Variants in ANK2 observed in about 807,000 individuals in gnomAD.
The protein encoded by ANK2 is ankyrin-2.
A neutral mutation model predicts 360.5 loss-of-function variants in ANK2; 83 were observed. The observed-to-expected ratio is 0.23, with a 90% confidence interval of 0.19 to 0.28. The LOEUF is 0.28. Among genes scored for constraint, ANK2 ranks in the 10% least tolerant of loss-of-function variants. The pLI is 1.00. For synonymous variants in ANK2, 1,740 were observed against 1,759.5 expected, an observed-to-expected ratio of 0.99 and a Z score of 0.28; for missense variants, 4,201 against 4,795.7, an observed-to-expected ratio of 0.88 and a Z score of 3.66.
At chr4:112,927,222 G>A (rs1459883859) in intron 2 of ANK2, among the ~76,000 whole-genome samples, 3 of 152,138 alleles carry the variant, frequency 2.0e-5, no homozygotes, top group Non-Finnish European at 2.9e-5. Context: ...ACATATATCA[G>A]ATTCACCTTT....
chr4:112,938,281 G>A (rs925238465), intron 2 of ANK2, among the ~76,000 whole-genome samples: 48 of 152,128 alleles, frequency 3.2e-4, no homozygotes, highest in African/African-American at 1.1e-3. Flanking sequence ...CTCATCTTAA[G>A]TGGATTAAAG....
chr4:113,354,701 G>C lies in ANK2; in HGVS notation c.6083G>C (p.Arg2028Pro). The change falls in exon 38 of 46, where the codon CGG (arginine) becomes CCG (proline). Residue 2028 changes from arginine (R) to proline (P), a missense_variant. Coordinates refer to ENST00000357077, the MANE Select transcript of ANK2 (RefSeq NM_001148.6). ...CAGCCACAAGAGAAAGGTAAAGTTC[G>C]GGTAGAAAAAGAAAAGGGGCCGATA... ...QKQPQEKGKV[R>P]VEKEKGPILT... 6.2e-7 allele frequency: 1 copy of C among 1,613,906 alleles called. No individual in the cohort carries two copies.
chr4:113,121,863 C>CA (rs1352565998), intron 1 of ANK2, among the ~76,000 whole-genome samples: 1 of 151,596 alleles, frequency 6.6e-6, no homozygotes, highest in Non-Finnish European at 1.5e-5. Flanking sequence ...GGGAAATCTC[C>CA]CCCCCCACCA....
chr4:113,180,291 TGA>T (rs1174117638), intron 2 of ANK2, among the ~76,000 whole-genome samples: 5 of 152,356 alleles, frequency 3.3e-5, no homozygotes, highest in African/African-American at 1.2e-4. Context: ...TCTGCAGGCC[TGA>T]GTTTTCTCAA....
At chr4:112,973,909 C>T (rs536773505) in intron 2 of ANK2, among the ~76,000 whole-genome samples, 6 of 152,134 alleles carry the variant, frequency 3.9e-5, no homozygotes, top group Admixed American at 6.5e-5. Context: ...CAAGAAAACC[C>T]GAAACTACTC....
intron 6 of ANK2, 61 bp from the exon 7 acceptor site, chr4:113,237,538 G>A: frequency 1.3e-6 from 2 of 1,516,734 alleles, no homozygotes; most frequent in East Asian, 2.3e-5. Flanking sequence ...CAGATTGACT[G>A]TTTCCATAAT....
At chr4:112,889,502 A>G (rs961774454) in intron 1 of ANK2, among the ~76,000 whole-genome samples, 1 of 152,070 alleles carries the variant, frequency 6.6e-6, no homozygotes, top group Non-Finnish European at 1.5e-5. Context: ...ACTTTATTTT[A>G]GATGACTCAC....
intron 1 of ANK2, among the ~76,000 whole-genome samples, chr4:113,083,507 G>T (rs1184177678): frequency 6.6e-6 from 1 of 152,154 alleles, no homozygotes; most frequent in Non-Finnish European, 1.5e-5. Flanking sequence ...GAGTTAGATA[G>T]CAGAATTGGC....
At chr4:113,326,639 G>C (rs986433168) in intron 26 of ANK2, among the ~76,000 whole-genome samples, 2 of 151,616 alleles carry the variant, frequency 1.3e-5, no homozygotes, top group Non-Finnish European at 1.5e-5. Context: ...CTACAACTTG[G>C]TGGGTTTTTT....
At chr4:113,067,743 G>T (rs569221296) in intron 1 of ANK2, among the ~76,000 whole-genome samples, 1 of 152,296 alleles carries the variant, frequency 6.6e-6, no homozygotes, top group South Asian at 2.1e-4. Flanking sequence ...CCCCAGAGAT[G>T]ATTTCCTCAC....
At position 113,356,695 on chromosome 4, in the gene ANK2, TCTC is replaced by T. The variant is rs2095802332; in HGVS notation, c.8079_8081del (p.Pro2694del). On this transcript the variant is annotated inframe_deletion, in exon 38 of 46. Transcript: ENST00000357077. Reference sequence around the variant, plus strand: ...ACCAGTGATTCGAGTACAACCTCCTTCTCCACTTCCATCAAGCATGGACTCCAA... The same window carrying T: ...ACCAGTGATTCGAGTACAACCTCCTTCACTTCCATCAAGCATGGACTCCAA... 2 of 1,614,028 alleles carry T rather than the reference TCTC, an allele frequency of 1.2e-6. No homozygotes were observed. The highest frequency in any genetic ancestry group is 4.5e-5 in the East Asian group (2 of 44,870).
At chr4:113,176,088 A>C (rs2098187131) in intron 2 of ANK2, among the ~76,000 whole-genome samples, 1 of 152,194 alleles carries the variant, frequency 6.6e-6, no homozygotes, top group Non-Finnish European at 1.5e-5. Context: ...GAATCCCCCA[A>C]GGTCAGTGTT....
chr4:113,065,836 T>G (rs2075374811), intron 1 of ANK2, among the ~76,000 whole-genome samples: 2 of 152,214 alleles, frequency 1.3e-5, no homozygotes. Context: ...TCCCAATATT[T>G]ACTAATCAAT....
chr4:112,789,932 A>C, the ANK2 span, among the ~76,000 whole-genome samples: 2 of 152,280 alleles, frequency 1.3e-5, no homozygotes, highest in South Asian at 4.2e-4. Flanking sequence ...AACCAAAAAC[A>C]TACACACCAG....
At chr4:112,962,585 T>C (rs2035389817) in intron 2 of ANK2, among the ~76,000 whole-genome samples, 1 of 152,150 alleles carries the variant, frequency 6.6e-6, no homozygotes, top group African/African-American at 2.4e-5. Context: ...GGGTTGAATA[T>C]TAGCTCTGTT....
At chr4:112,976,098 C>T (rs1029433841) in intron 2 of ANK2, among the ~76,000 whole-genome samples, 4 of 151,760 alleles carry the variant, frequency 2.6e-5, no homozygotes, top group Non-Finnish European at 5.9e-5. Flanking sequence ...TCTATGTCTT[C>T]CTTTTGTAAG....
At chr4:113,292,591 G>C in intron 21 of ANK2, 77 bp downstream of exon 21, 2 of 1,379,520 alleles carry the variant, frequency 1.4e-6, no homozygotes, top group Non-Finnish European at 2.0e-6. Context: ...TGTCTGAGCT[G>C]AGTGAGGTCA....
At chr4:113,151,111 C>T in intron 1 of ANK2, 1 of 1,288,854 alleles carries the variant, frequency 7.8e-7, no homozygotes, top group African/African-American at 1.5e-5. Context: ...CCAGAGGCCG[C>T]CAACATTGAA....
chr4:113,293,829 T>G (rs1218925296), intron 22 of ANK2, among the ~76,000 whole-genome samples: 3 of 152,224 alleles, frequency 2.0e-5, no homozygotes, highest in Non-Finnish European at 1.5e-5. Context: ...TTCTGGCTTC[T>G]GTGCCCTTTC....
Sources: allele counts gnomAD v4.1 joint callset (sites outside exome capture counted in the v4.1 genomes callset), GRCh38; gene constraint gnomAD v4.1.1; transcripts MANE v1.5; gene names NCBI Gene and HGNC (gene_info 2026-07-23, HGNC 2026-07-21).